Variants in TMEM87B observed in about 807,000 individuals in gnomAD.
TMEM87B encodes the protein transmembrane protein 87B.
Under a neutral mutation model 80.3 loss-of-function variants are expected in TMEM87B, and 83 were observed. The ratio of observed to expected loss-of-function variants is 1.03; its 90% CI spans 0.87 to 1.24. TMEM87B has a LOEUF of 1.24. Among genes scored for constraint, TMEM87B ranks in the 50% most tolerant of loss-of-function variants. The pLI, the probability that TMEM87B is intolerant of heterozygous loss-of-function variation, is 0.00. For synonymous variants in TMEM87B, 219 were observed against 230.5 expected (o/e 0.95, Z 0.45); for missense variants, 625 against 674.4 (o/e 0.93, Z 0.81).
chr2:112,066,346 T>C (rs1477762700), intron 3 of TMEM87B, among the ~76,000 whole-genome samples: 1 of 152,230 alleles, frequency 6.6e-6, no homozygotes, highest in East Asian at 1.9e-4. Flanking sequence ...TAGGTTATAA[T>C]CTATTACTGT....
chr2:112,067,911 C>A (rs944803953), intron 4 of TMEM87B, among the ~76,000 whole-genome samples: 5 of 152,142 alleles, frequency 3.3e-5, no homozygotes, highest in African/African-American at 1.2e-4. Flanking sequence ...AGCTTAGATT[C>A]TAAAATGATT....
intron 9 of TMEM87B, among the ~76,000 whole-genome samples, chr2:112,087,664 A>T (rs1316653109): frequency 6.6e-6 from 1 of 151,856 alleles, no homozygotes. Flanking sequence ...GGTCACCCCC[A>T]TCAGCATCTC....
rs1046714683 is a variant in TMEM87B at position 112,089,498 on chromosome 2, C to T, written c.939-127C>T. 47 of 796,522 alleles carry T rather than the reference C, an allele frequency of 5.9e-5. 1 individual carries two copies. The highest frequency in any genetic ancestry group is 2.3e-4 in the Middle Eastern group (1 of 4,284). The allele number at this position is 796,522 out of a possible 1,614,324, so 49.3% of individuals were successfully genotyped here. A position where few individuals can be genotyped will look rare whatever the true frequency, so the allele number is the denominator to read the frequency against. On this transcript the variant is annotated intron_variant, in intron 9 of 18. Transcript: ENST00000283206. ...TTCCTAAAACAAAGTACCTCAGAGC[C>T]GGGAACAGACTGATGTGATTAGATA... is the stretch of plus-strand genomic sequence containing the variant.
intron 3 of TMEM87B, among the ~76,000 whole-genome samples, chr2:112,065,127 T>G (rs768934660): frequency 1.3e-5 from 2 of 152,146 alleles, no homozygotes; most frequent in Non-Finnish European, 2.9e-5. Flanking sequence ...TGAGCCATTA[T>G]AGCTGGCTTT....
At chr2:112,064,329 C>T (rs768701444) in intron 3 of TMEM87B, 76 bp downstream of exon 3, 81 of 1,225,266 alleles carry the variant, frequency 6.6e-5, no homozygotes, top group Non-Finnish European at 9.0e-5. Flanking sequence ...GCTCATCAAG[C>T]GAGGAGGCTA....
At chr2:112,094,782 AG>A (rs1489634676) in intron 11 of TMEM87B, among the ~76,000 whole-genome samples, 2 of 152,206 alleles carry the variant, frequency 1.3e-5, no homozygotes, top group African/African-American at 4.8e-5. Flanking sequence ...GGTGAGACAA[AG>A]GAAGTCTAGT....
chr2:112,112,982 G>A (rs1211113606), intron 18 of TMEM87B, 53 bp downstream of exon 18: 18 of 1,524,132 alleles, frequency 1.2e-5, no homozygotes, highest in East Asian at 2.3e-5. Flanking sequence ...ACAAAGTAGA[G>A]ATGTATTTCA....
chr2:112,106,891 T>G (rs920306868), intron 16 of TMEM87B, among the ~76,000 whole-genome samples: 2 of 152,162 alleles, frequency 1.3e-5, no homozygotes, highest in Non-Finnish European at 2.9e-5. Context: ...TAACATAGAC[T>G]GGAGGGATGG....
intron 3 of TMEM87B, among the ~76,000 whole-genome samples, 193 bp from the exon 4 acceptor site, chr2:112,066,743 A>C (rs1453699412): frequency 6.6e-6 from 1 of 152,228 alleles, no homozygotes; most frequent in African/African-American, 2.4e-5. Context: ...GGAATGGCTA[A>C]AAGGTTATGA....
Position 112,079,924 on chromosome 2 carries a change from G to T in TMEM87B, c.593-1133G>T, listed in dbSNP as rs1337682086. Among the ~76,000 whole-genome samples the T allele has an allele frequency of 1.0e-4, 12 of 115,114 alleles. No individual in the cohort carries two copies. In the East Asian group the frequency reaches 2.7e-3, roughly 26 times the overall value. 75.5% of individuals were successfully genotyped at this position (115,114 alleles called of 152,430 possible). ...CTTTTGAGAAACATCTAGGTCCCTT[G>T]CCTTTTTTTTTTTTTTTTTTTTTGA... is the stretch of plus-strand genomic sequence containing the variant. On this transcript the variant is annotated intron_variant, in intron 6 of 18. Coordinates refer to ENST00000283206, the MANE Select transcript of TMEM87B (RefSeq NM_032824.3).
At chr2:112,077,379 A>G in intron 6 of TMEM87B, 97 bp downstream of exon 6, 1 of 525,082 alleles carries the variant, frequency 1.9e-6, no homozygotes, top group Admixed American at 3.3e-5. Flanking sequence ...CAAATACATC[A>G]TTCAAAAATG....
At chr2:112,095,293 C>G in intron 11 of TMEM87B, 7 of 976,938 alleles carry the variant, frequency 7.2e-6, no homozygotes, top group African/African-American at 1.8e-5. Context: ...CTGGCTTGTG[C>G]TGGTGGATAT....
intron 13 of TMEM87B, among the ~76,000 whole-genome samples, chr2:112,098,149 C>T (rs1481643042): frequency 6.6e-6 from 1 of 151,978 alleles, no homozygotes; most frequent in African/African-American, 2.4e-5. Context: ...AAGATATATT[C>T]TTAGACTTAG....
At chr2:112,066,149 T>G (rs1678429810) in intron 3 of TMEM87B, among the ~76,000 whole-genome samples, 1 of 152,244 alleles carries the variant, frequency 6.6e-6, no homozygotes, top group Non-Finnish European at 1.5e-5. Flanking sequence ...TTTAGCATCC[T>G]TTCATGATTC....
At chr2:112,061,521 C>G (rs958510259) in intron 2 of TMEM87B, among the ~76,000 whole-genome samples, 2 of 152,030 alleles carry the variant, frequency 1.3e-5, no homozygotes, top group African/African-American at 4.8e-5. Flanking sequence ...GTGATAAGAG[C>G]TTGGTAAGAG....
rs765610581 is a variant in TMEM87B at position 112,089,712 on chromosome 2, C to A, written c.1026C>A (p.Val342=). Residue 342 remains valine, a synonymous_variant, in exon 10 of 19, where the codon GTC becomes GTA. Transcript: ENST00000283206. The part of the protein sequence containing the change: ...IFAAVEGVMR[V]IGGSNHLAVV... ...CAGCTGTTGAAGGCGTGATGAGAGT[C>A]ATTGGGGTAAAAACTACATTATTCT... 1.2e-6 allele frequency: 2 copies of A among 1,613,884 alleles called. No homozygotes were observed. Among genetic ancestry groups the A allele is most frequent in the Non-Finnish European group, 1.7e-6 (2 of 1,179,896 alleles).
chr2:112,110,452 G>T (rs377640768), intron 17 of TMEM87B, among the ~76,000 whole-genome samples: 1 of 151,942 alleles, frequency 6.6e-6, no homozygotes, highest in South Asian at 2.1e-4. Flanking sequence ...TTAAGTTATT[G>T]TATTTAATTT....
intron 14 of TMEM87B, 34 bp from the exon 15 acceptor site, chr2:112,100,588 A>G (rs1230987405): frequency 2.1e-6 from 3 of 1,412,516 alleles, no homozygotes; most frequent in Non-Finnish European, 3.0e-6. Flanking sequence ...AAGTTTAAAC[A>G]TACTAGTAAA....
chr2:112,096,919 T>G, intron 11 of TMEM87B, 125 bp from the exon 12 acceptor site: 1 of 663,944 alleles, frequency 1.5e-6, no homozygotes, highest in East Asian at 2.7e-5. Flanking sequence ...TTCTGTGTTT[T>G]CATTAGCTTC....
Sources: gnomAD v4.1 joint callset for allele counts (sites outside exome capture counted in the v4.1 genomes callset) on GRCh38, gnomAD v4.1.1 for gene constraint, MANE v1.5 for transcripts, NCBI Gene and HGNC (gene_info 2026-07-23, HGNC 2026-07-21) for gene names.